Variants in ATP5F1B observed in about 807,000 individuals in gnomAD.
ATP5F1B encodes ATP synthase F1 subunit beta, also known as ATP synthase F(1) complex subunit beta, mitochondrial.
In ATP5F1B, 17 loss-of-function variants were observed where a neutral mutation model predicts 45.9. The observed-to-expected ratio is 0.37, with a 90% CI of 0.25 to 0.56. The LOEUF is 0.56. Ranked by LOEUF, ATP5F1B falls within the 20% of genes least tolerant of loss-of-function variation. The pLI, the probability that ATP5F1B is intolerant of heterozygous loss-of-function variation, is 0.80. For missense variants in ATP5F1B, 387 were observed against 673.2 expected, an observed-to-expected ratio of 0.57 and a Z score of 4.70; for synonymous variants, 218 against 256.5, an observed-to-expected ratio of 0.85 and a Z score of 1.43.
intron 5 of ATP5F1B, 104 bp from the exon 6 acceptor site, chr12:56,642,935 G>T: frequency 7.6e-7 from 1 of 1,317,160 alleles, no homozygotes; most frequent in East Asian, 2.4e-5. Flanking sequence ...TTCTCAGAAG[G>T]TGTCAGCGTT....
At chr12:56,645,089 T>A (rs752634087) in intron 2 of ATP5F1B, 82 bp downstream of exon 2, 1 of 1,607,180 alleles carries the variant, frequency 6.2e-7, no homozygotes, top group South Asian at 1.1e-5. Flanking sequence ...TTTGATAAAA[T>A]CATCATAGAA....
chr12:56,644,039 T>C (rs1240911064), intron 3 of ATP5F1B, 81 bp from the exon 4 acceptor site: 1 of 1,511,366 alleles, frequency 6.6e-7, no homozygotes, highest in Non-Finnish European at 8.9e-7. Flanking sequence ...CCCTATCAAC[T>C]CTCAAGTCCA....
chr12:56,638,992 G>GT, intron 9 of ATP5F1B, 114 bp downstream of exon 9: 5 of 1,043,446 alleles, frequency 4.8e-6, no homozygotes, highest in Non-Finnish European at 6.9e-6. Flanking sequence ...GGGTAAGTTT[G>GT]TTTTTTAAAT....
At chr12:56,638,831 G>T (rs1289246229) in intron 9 of ATP5F1B, among the ~76,000 whole-genome samples, 1 of 152,170 alleles carries the variant, frequency 6.6e-6, no homozygotes, top group African/African-American at 2.4e-5. Context: ...GGCAGGTGGA[G>T]GTTGCAGTGA....
chr12:56,638,937 A>G (rs2137541830), intron 9 of ATP5F1B, among the ~76,000 whole-genome samples, 169 bp downstream of exon 9: 1 of 152,364 alleles, frequency 6.6e-6, no homozygotes, highest in South Asian at 2.1e-4. Context: ...TCAAGTAACA[A>G]ATCACACTCA....
At chr12:56,639,073 G>A (rs1951493091) in intron 9 of ATP5F1B, 33 bp downstream of exon 9, 1 of 1,600,534 alleles carries the variant, frequency 6.2e-7, no homozygotes, top group African/African-American at 1.3e-5. Context: ...CCACAGCACA[G>A]TAAACATTCA....
Position 56,645,974 on chromosome 12 carries a change from G to A in ATP5F1B, c.-11C>T, listed in dbSNP as rs1326369325. On this transcript the variant is annotated 5_prime_UTR_variant, in exon 1 of 10. Transcript: ENST00000262030. ...CACAAACCCCAACATGGCGTAGTCC[G>A]GGTGGAGACTGAAGGCTGCAGCAAC... is the stretch of plus-strand genomic sequence containing the variant. The A allele has an allele frequency of 3.8e-6, 6 of 1,593,184 alleles. 1 individual carries two copies. Among genetic ancestry groups the A allele is most frequent in the South Asian group, 3.4e-5 (3 of 88,568 alleles).
At chr12:56,644,620 A>G (rs1248448830) in intron 3 of ATP5F1B, among the ~76,000 whole-genome samples, 161 bp downstream of exon 3, 1 of 152,152 alleles carries the variant, frequency 6.6e-6, no homozygotes, top group African/African-American at 2.4e-5. Context: ...TCAATCAGAA[A>G]TTCTGCATCC....
chr12:56,644,585 A>T (rs891820496), intron 3 of ATP5F1B, among the ~76,000 whole-genome samples, 196 bp downstream of exon 3: 1 of 152,152 alleles, frequency 6.6e-6, no homozygotes, highest in Admixed American at 6.6e-5. Flanking sequence ...TCTCAAAAAA[A>T]AAAACCTCAA....
intron 8 of ATP5F1B, 113 bp from the exon 9 acceptor site, chr12:56,639,420 C>T (rs1951496028): frequency 1.1e-6 from 1 of 947,018 alleles, no homozygotes; most frequent in Admixed American, 2.1e-5. Flanking sequence ...TTATGAGGGC[C>T]CTCAGCCAAG....
Position 56,644,955 on chromosome 12 carries a change from C to G in ATP5F1B, c.311G>C (p.Gly104Ala), listed in dbSNP as rs1339230954. The change falls in exon 3 of 10, where the codon GGT becomes GCT. Residue 104 changes from glycine to alanine, a missense_variant and splice_region_variant. Coordinates refer to ENST00000262030, the MANE Select transcript of ATP5F1B (RefSeq NM_001686.4). ...RLVLEVAQHLGESTVRTIAMD... is the reference protein window; with the variant it reads ...RLVLEVAQHLAESTVRTIAMD... The stretch of plus-strand genomic sequence containing the variant: ...AGCAATAGTCCTTACTGTGCTCTCA[C>G]CTGTTAGATACAGGCATCGCAGGGT... 6.2e-7 allele frequency: 1 copy of G among 1,614,080 alleles called. No individual in the cohort carries two copies. Among genetic ancestry groups the G allele is most frequent in the Non-Finnish European group, 8.5e-7 (1 of 1,179,926 alleles).
chr12:56,642,340 C>G (rs995281650), intron 7 of ATP5F1B, 118 bp downstream of exon 7: 3 of 1,429,462 alleles, frequency 2.1e-6, no homozygotes, highest in Non-Finnish European at 2.9e-6. Flanking sequence ...GCTTTGTTCC[C>G]CAGGCTGATC....
At chr12:56,644,591 C>A (rs1951536993) in intron 3 of ATP5F1B, among the ~76,000 whole-genome samples, 190 bp downstream of exon 3, 3 of 152,092 alleles carry the variant, frequency 2.0e-5, no homozygotes, top group Non-Finnish European at 4.4e-5. Flanking sequence ...AAAAAAAAAC[C>A]TCAAGTAGTA....
intron 2 of ATP5F1B, 70 bp downstream of exon 2, chr12:56,645,101 G>T: frequency 6.2e-7 from 1 of 1,606,688 alleles, no homozygotes. Context: ...ATCATAGAAG[G>T]CAGACAGCTT....
chr12:56,639,502 A>C, intron 8 of ATP5F1B, 195 bp from the exon 9 acceptor site: 1 of 595,706 alleles, frequency 1.7e-6, no homozygotes, highest in Non-Finnish European at 2.9e-6. Flanking sequence ...CGCCGGGCGC[A>C]GTGGCTCACG....
rs753476589 is a variant in ATP5F1B, at chr12:56,642,665, C to T, written c.951+8G>A. 27 of 1,613,994 alleles carry T rather than the reference C, an allele frequency of 1.7e-5. No individual in the cohort carries two copies. Among genetic ancestry groups the T allele is most frequent in the Non-Finnish European group, 2.2e-5 (26 of 1,180,012 alleles). On this transcript the variant is annotated splice_region_variant and intron_variant, in intron 6 of 9. Coordinates refer to ENST00000262030, the MANE Select transcript of ATP5F1B (RefSeq NM_001686.4). ...ATGAACCAGGTCCTCTCAAGCCTTC[C>T]CTCTTACCTCTGAACCAGCCTGGGT...
At chr12:56,645,394 A>T in intron 1 of ATP5F1B, 41 bp from the exon 2 acceptor site, 1 of 1,576,480 alleles carries the variant, frequency 6.3e-7, no homozygotes, top group East Asian at 2.3e-5. Context: ...GGGTCAGGCC[A>T]GTTAAAGGTC....
chr12:56,641,069 AAAAAT>A (rs1222934471), intron 7 of ATP5F1B, among the ~76,000 whole-genome samples: 2 of 151,552 alleles, frequency 1.3e-5, no homozygotes, highest in Non-Finnish European at 2.9e-5. Context: ...AAAAAAATAA[AAAAAT>A]AAAAAAGAGG....
chr12:56,642,238 C>T (rs939928632), intron 7 of ATP5F1B, among the ~76,000 whole-genome samples: 2 of 152,002 alleles, frequency 1.3e-5, no homozygotes, highest in Admixed American at 6.6e-5. Context: ...CCTCATGATC[C>T]GCGTACCTCA....
Sources: allele counts gnomAD v4.1 joint callset (sites outside exome capture counted in the v4.1 genomes callset), GRCh38; gene constraint gnomAD v4.1.1; transcripts MANE v1.5; gene names NCBI Gene and HGNC (gene_info 2026-07-23, HGNC 2026-07-21).